Variants in BCKDHB observed in about 807,000 individuals in gnomAD.
BCKDHB encodes branched chain keto acid dehydrogenase E1 subunit beta.
In BCKDHB, 41 loss-of-function variants were observed where a neutral mutation model predicts 48.5. That is an observed-to-expected ratio of 0.85 (90% CI 0.66 to 1.10). The LOEUF (loss-of-function observed/expected upper bound fraction) is 1.10. Among genes scored for constraint, BCKDHB ranks in the 50% least tolerant of loss-of-function variants. The pLI is 0.00. For synonymous variants in BCKDHB, 201 were observed against 174.8 expected, an observed-to-expected ratio of 1.15 and a Z score of -1.18; for missense variants, 496 against 494.2, an observed-to-expected ratio of 1.00 and a Z score of -0.03.
intron 6 of BCKDHB, among the ~76,000 whole-genome samples, chr6:80,190,303 ACCTC>A (rs1481827435): frequency 6.6e-6 from 1 of 152,088 alleles, no homozygotes; most frequent in African/African-American, 2.4e-5. Flanking sequence ...CAAGCATAAC[ACCTC>A]CCTTTTTAAA....
rs1192588081 is a variant in BCKDHB at position 80,156,122 on chromosome 6, A to G, written c.344-11556A>G. ...TGGTGTTAACCAACCCTCTGTGTCC[A>G]TGAATGTATTCTGAGAGTTCTCACA... is the stretch of plus-strand genomic sequence containing the variant. On this transcript the variant is annotated intron_variant, in intron 3 of 9. Coordinates refer to ENST00000320393, the MANE Select transcript of BCKDHB (RefSeq NM_183050.4). 6.6e-5 allele frequency among the ~76,000 whole-genome samples: 10 copies of G among 152,006 alleles called. 1 individual carries two copies. The East Asian group carries it at 1.9e-3, about 29-fold the overall frequency.
intron 9 of BCKDHB, among the ~76,000 whole-genome samples, chr6:80,333,484 A>G (rs1043855436): frequency 6.6e-6 from 1 of 152,202 alleles, no homozygotes; most frequent in Non-Finnish European, 1.5e-5. Flanking sequence ...GCATATGGGC[A>G]AATACATTTT....
At chr6:80,179,837 A>G (rs1258323507) in intron 6 of BCKDHB, among the ~76,000 whole-genome samples, 1 of 152,138 alleles carries the variant, frequency 6.6e-6, no homozygotes, top group East Asian at 1.9e-4. Flanking sequence ...TCATTAAGGG[A>G]CCTAGTCATA....
chr6:80,433,936 T>G, the BCKDHB span, among the ~76,000 whole-genome samples: 2 of 152,224 alleles, frequency 1.3e-5, no homozygotes, highest in Non-Finnish European at 2.9e-5. Flanking sequence ...ATATTTTGTG[T>G]CTTTCTCTTA....
chr6:80,416,786 T>TTTA, the BCKDHB span, among the ~76,000 whole-genome samples: 1 of 151,316 alleles, frequency 6.6e-6, no homozygotes, highest in Non-Finnish European at 1.5e-5. Context: ...TTTTTTTAAT[T>TTTA]TTATTATTAT....
intron 9 of BCKDHB, among the ~76,000 whole-genome samples, chr6:80,343,411 T>C (rs1421803436): frequency 6.6e-6 from 1 of 152,236 alleles, no homozygotes; most frequent in African/African-American, 2.4e-5. Context: ...TATTTGATAT[T>C]ATCCCAGTTT....
intron 6 of BCKDHB, among the ~76,000 whole-genome samples, chr6:80,192,689 C>G (rs1773951681): frequency 6.6e-6 from 1 of 152,102 alleles, no homozygotes; most frequent in Non-Finnish European, 1.5e-5. Flanking sequence ...TATGGAATAT[C>G]AGTCTCATCA....
At chr6:80,446,700 C>A in the BCKDHB span, among the ~76,000 whole-genome samples, 4 of 148,394 alleles carry the variant, frequency 2.7e-5, no homozygotes, top group Non-Finnish European at 1.5e-5. Flanking sequence ...GAGAATAAAC[C>A]TGAGAGGGGC....
In BCKDHB at chr6:80,257,091, A is replaced by G. The variant is rs533702903; in HGVS notation, c.952-16044A>G. ...ATATTATTTATGTGAGACTTCTTTA[A>G]AAAGGGAAGAAATAATAATGTTTAG... is the stretch of plus-strand genomic sequence containing the variant. On this transcript the variant is annotated intron_variant, in intron 8 of 9. Coordinates refer to ENST00000320393, the MANE Select transcript of BCKDHB (RefSeq NM_183050.4). Among the ~76,000 whole-genome samples the G allele has an allele frequency of 1.6e-4, 25 of 152,228 alleles. No homozygotes were observed. In the South Asian group the frequency reaches 5.2e-3, roughly 32 times the overall value.
rs116592466 is a variant in BCKDHB, at chr6:80,323,525, T to C, written c.1039-20139T>C. On this transcript the variant is annotated intron_variant, in intron 9 of 9. Coordinates refer to ENST00000320393, the MANE Select transcript of BCKDHB (RefSeq NM_183050.4). Reference sequence around the variant, plus strand: ...GTAAATGGGCTTACATTCTAGCGTATAGACCAATTCAAACTGTTCTACAGT... The same window carrying C: ...GTAAATGGGCTTACATTCTAGCGTACAGACCAATTCAAACTGTTCTACAGT... 8.2e-3 allele frequency among the ~76,000 whole-genome samples: 1,251 copies of C among 152,324 alleles called. 21 individuals are homozygous for C. The highest frequency in any genetic ancestry group is 0.028 in the African/African-American group (1,175 of 41,570).
chr6:80,387,020 C>T, the BCKDHB span, among the ~76,000 whole-genome samples: 1 of 152,140 alleles, frequency 6.6e-6, no homozygotes, highest in Admixed American at 6.5e-5. Flanking sequence ...ACAAGGGTAA[C>T]TGTGCATTGG....
At chr6:80,169,562 C>T (rs1471481627) in intron 5 of BCKDHB, among the ~76,000 whole-genome samples, 1 of 151,956 alleles carries the variant, frequency 6.6e-6, no homozygotes, top group East Asian at 1.9e-4. Context: ...TGAAGCATCT[C>T]CTTTTTATAA....
intron 8 of BCKDHB, among the ~76,000 whole-genome samples, chr6:80,240,679 C>A (rs1005882032): frequency 6.6e-6 from 1 of 152,186 alleles, no homozygotes; most frequent in African/African-American, 2.4e-5. Context: ...CCTGATTGCC[C>A]TGGCCAGAAC....
At chr6:80,338,429 C>A (rs1335962127) in intron 9 of BCKDHB, among the ~76,000 whole-genome samples, 1 of 152,194 alleles carries the variant, frequency 6.6e-6, no homozygotes, top group Non-Finnish European at 1.5e-5. Context: ...AGGCGTCCTG[C>A]ACCCCACCAG....
chr6:80,169,127 A>AAC, intron 5 of BCKDHB, 97 bp downstream of exon 5: 1 of 1,476,354 alleles, frequency 6.8e-7, no homozygotes, highest in Non-Finnish European at 9.3e-7. Context: ...AAAGAAAACA[A>AAC]ACAGGATTCT....
chr6:80,217,754 G>C (rs1775239094), intron 8 of BCKDHB, among the ~76,000 whole-genome samples: 1 of 152,168 alleles, frequency 6.6e-6, no homozygotes. Context: ...CATTTCTGCA[G>C]AGTAAATTGG....
At chr6:80,434,668 C>T in the BCKDHB span, among the ~76,000 whole-genome samples, 2 of 152,088 alleles carry the variant, frequency 1.3e-5, no homozygotes, top group East Asian at 1.9e-4. Context: ...TTTCTTAGGG[C>T]TTTGTTTTCA....
chr6:80,232,054 T>G (rs949733301), intron 8 of BCKDHB, among the ~76,000 whole-genome samples: 8 of 152,230 alleles, frequency 5.3e-5, no homozygotes, highest in African/African-American at 1.9e-4. Flanking sequence ...TTATTCTGTT[T>G]TTTCAACTTA....
intron 3 of BCKDHB, among the ~76,000 whole-genome samples, chr6:80,157,589 C>T (rs992046571): frequency 1.3e-4 from 20 of 151,058 alleles, no homozygotes; most frequent in South Asian, 1.3e-3. Flanking sequence ...CCTCAGCCTC[C>T]GAAGTAGCTG....
Sources: allele counts gnomAD v4.1 joint callset (sites outside exome capture counted in the v4.1 genomes callset), GRCh38; gene constraint gnomAD v4.1.1; transcripts MANE v1.5; gene names NCBI Gene and HGNC (gene_info 2026-07-23, HGNC 2026-07-21).